NFIB: variants seen among roughly 807,000 people sequenced by gnomAD.
The protein encoded by NFIB is nuclear factor I B, also known as nuclear factor 1 B-type.
NFIB carries 11 observed loss-of-function variants against 61.5 expected under a neutral mutation model. The observed-to-expected ratio is 0.18, with a 90% confidence interval of 0.11 to 0.30. The LOEUF is 0.30. Ranked by LOEUF, NFIB falls within the 10% of genes least tolerant of loss-of-function variation. The probability of loss-of-function intolerance (pLI) is 1.00; values close to 1 mark genes in which losing one functional copy is unlikely to be tolerated. For synonymous variants in NFIB, 260 were observed against 216.5 expected, an observed-to-expected ratio of 1.20 and a Z score of -1.76; for missense variants, 471 against 608.9, an observed-to-expected ratio of 0.77 and a Z score of 2.38.
intron 1 of NFIB, among the ~76,000 whole-genome samples, chr9:14,346,296 C>CCCA (rs1554715704): frequency 1.4e-5 from 2 of 142,630 alleles, no homozygotes; most frequent in South Asian, 2.6e-4. Flanking sequence ...CGACACCCCC[C>CCCA]CCCCGTAACC....
chr9:14,368,470 G>A (rs571807305), intron 1 of NFIB, among the ~76,000 whole-genome samples: 147 of 152,276 alleles, frequency 9.7e-4, no homozygotes, highest in Non-Finnish European at 1.4e-3. Context: ...CTGTAGCTAC[G>A]GACAGGGCCA....
intron 2 of NFIB, among the ~76,000 whole-genome samples, chr9:14,286,082 C>T (rs79038606): frequency 6.6e-6 from 1 of 152,196 alleles, no homozygotes; most frequent in Admixed American, 6.5e-5. Context: ...ACCAGACTGA[C>T]ATGTTCACTG....
At position 14,380,849 on chromosome 9, in the gene NFIB, G is replaced by T. The variant is rs529197345; in HGVS notation, c.108+17675C>A. On this transcript the variant is annotated intron_variant, in intron 1 of 8. Transcript: ENST00000380934. Reference sequence around the variant, plus strand: ...CACAACCAGGAAGGGGCCAAGCAGGGATTCGAACTAAAGGTGGTAGAAGCT... The same window carrying T: ...CACAACCAGGAAGGGGCCAAGCAGGTATTCGAACTAAAGGTGGTAGAAGCT... Among the ~76,000 whole-genome samples, 10 of 152,130 alleles carry T rather than the reference G, an allele frequency of 6.6e-5. No homozygotes were observed. The South Asian group carries it at 2.1e-3, about 32-fold the overall frequency.
At chr9:14,398,488 A>C (rs1296495568) in intron 1 of NFIB, 3 of 1,478,494 alleles carry the variant, frequency 2.0e-6, no homozygotes, top group African/African-American at 2.8e-5. Context: ...CCTATTTGAA[A>C]GAAAAACTGG....
At chr9:14,203,952 C>A (rs1395198888) in intron 2 of NFIB, among the ~76,000 whole-genome samples, 2 of 151,924 alleles carry the variant, frequency 1.3e-5, no homozygotes, top group Non-Finnish European at 2.9e-5. Context: ...TTAAAAAAAA[C>A]CTCAACAAAT....
chr9:14,138,226 G>C (rs781776647), intron 6 of NFIB, among the ~76,000 whole-genome samples: 3 of 152,132 alleles, frequency 2.0e-5, no homozygotes, highest in Non-Finnish European at 4.4e-5. Context: ...CTGACAGAAA[G>C]GAAGGGCTCA....
At chr9:14,321,651 T>C (rs138153319) in intron 1 of NFIB, among the ~76,000 whole-genome samples, 35 of 152,312 alleles carry the variant, frequency 2.3e-4, no homozygotes, top group African/African-American at 7.9e-4. Flanking sequence ...AACAAAATGC[T>C]AGATTCTGCA....
the NFIB span, among the ~76,000 whole-genome samples, chr9:14,481,195 G>GTATA: frequency 4.0e-4 from 14 of 35,066 alleles, no homozygotes; most frequent in African/African-American, 1.3e-3. Context: ...GTGTGTGTGT[G>GTATA]TGTATATATA....
At chr9:14,463,244 G>C in the NFIB span, among the ~76,000 whole-genome samples, 1 of 151,674 alleles carries the variant, frequency 6.6e-6, no homozygotes, top group Non-Finnish European at 1.5e-5. Context: ...AAAAGCTGCA[G>C]CTACCCAGCA....
chr9:14,178,923 G>A (rs1403158377), intron 3 of NFIB, among the ~76,000 whole-genome samples: 6 of 152,044 alleles, frequency 3.9e-5, no homozygotes, highest in African/African-American at 1.4e-4. Flanking sequence ...TTGGGGAGGT[G>A]GGGGGCATGT....
chr9:14,322,287 G>T, intron 1 of NFIB: 1 of 354,262 alleles, frequency 2.8e-6, no homozygotes, highest in Non-Finnish European at 4.7e-6. Flanking sequence ...CTTGAACGCC[G>T]TCCAGGATGG....
chr9:14,118,748 TG>T (rs1433064443), intron 8 of NFIB, among the ~76,000 whole-genome samples: 1 of 151,222 alleles, frequency 6.6e-6, no homozygotes, highest in Non-Finnish European at 1.5e-5. Context: ...AGAGTTTTTT[TG>T]TTGCTAGTTT....
intron 1 of NFIB, among the ~76,000 whole-genome samples, chr9:14,324,968 T>G (rs1048482003): frequency 3.9e-5 from 6 of 152,112 alleles, no homozygotes; most frequent in South Asian, 2.1e-4. Flanking sequence ...GCTTCTAAAT[T>G]TTTTAATTGG....
the NFIB span, among the ~76,000 whole-genome samples, chr9:14,523,350 C>T: frequency 1.3e-5 from 2 of 152,044 alleles, no homozygotes; most frequent in African/African-American, 2.4e-5. Context: ...TTTATAAGCA[C>T]GTACTTCTTC....
chr9:14,202,128 T>TCTCACA (rs148085046), intron 2 of NFIB, among the ~76,000 whole-genome samples: 103 of 147,174 alleles, frequency 7.0e-4, no homozygotes, highest in African/African-American at 2.5e-3. Context: ...TTGATACTTT[T>TCTCACA]CACACACACA....
At chr9:14,195,210 C>A (rs955445745) in intron 2 of NFIB, among the ~76,000 whole-genome samples, 6 of 152,090 alleles carry the variant, frequency 3.9e-5, no homozygotes, top group African/African-American at 1.4e-4. Context: ...AACTGACCTA[C>A]AGAGAATTTA....
rs938454059 is a variant in NFIB at position 14,206,180 on chromosome 9, T to C, written c.563-26400A>G. Among the ~76,000 whole-genome samples, 26 of 151,504 alleles carry C rather than the reference T, an allele frequency of 1.7e-4. No individual in the cohort carries two copies. The East Asian group carries it at 4.5e-3, about 26-fold the overall frequency. The stretch of plus-strand genomic sequence containing the variant: ...GTAACTTACTAACTCTCTCTCTCTT[T>C]TTTTTTTTTTTCTTCTTTGAGATGG... On this transcript the variant is annotated intron_variant, in intron 2 of 10. Coordinates refer to ENST00000380953, the MANE Select transcript of NFIB (RefSeq NM_001190737.2).
intron 10 of NFIB, among the ~76,000 whole-genome samples, chr9:14,111,531 A>G (rs188804999): frequency 6.6e-6 from 1 of 152,336 alleles, no homozygotes; most frequent in East Asian, 1.9e-4. Context: ...GAATATGTGT[A>G]ATGATTTTTA....
chr9:14,397,842 C>T (rs1454749831), intron 1 of NFIB, among the ~76,000 whole-genome samples: 2 of 152,112 alleles, frequency 1.3e-5, no homozygotes, highest in African/African-American at 2.4e-5. Context: ...ATAATGGGTA[C>T]GTGCTGCTTT....
Sources: allele counts gnomAD v4.1 joint callset (sites outside exome capture counted in the v4.1 genomes callset), GRCh38; gene constraint gnomAD v4.1.1; transcripts MANE v1.5; gene names NCBI Gene and HGNC (gene_info 2026-07-23, HGNC 2026-07-21).